GNA14: variants seen among roughly 807,000 people sequenced by gnomAD.
GNA14 encodes G protein subunit alpha 14, also known as guanine nucleotide-binding protein subunit alpha-14.
GNA14 carries 50 observed loss-of-function variants against 42.0 expected under a neutral mutation model. The observed-to-expected ratio is 1.19, with a 90% CI of 0.95 to 1.51. The LOEUF (loss-of-function observed/expected upper bound fraction) is 1.51, where lower values mean the gene tolerates loss of function less well. Ranked by LOEUF, GNA14 falls within the 40% of genes most tolerant of loss-of-function variation. The pLI is 0.00. For synonymous variants in GNA14, 173 were observed against 163.1 expected (o/e 1.06, Z -0.46); for missense variants, 473 against 446.2 (o/e 1.06, Z -0.54).
At chr9:77,590,258 C>A (rs1045864544) in intron 1 of GNA14, among the ~76,000 whole-genome samples, 1 of 152,134 alleles carries the variant, frequency 6.6e-6, no homozygotes, top group Admixed American at 6.6e-5. Flanking sequence ...CATCATTTTC[C>A]TAACCTTTGT....
chr9:77,551,879 C>A (rs1026100072), intron 1 of GNA14, among the ~76,000 whole-genome samples: 1 of 151,840 alleles, frequency 6.6e-6, no homozygotes, highest in African/African-American at 2.4e-5. Flanking sequence ...GTAGCTCATG[C>A]CTGTAATCCC....
chr9:77,458,057 T>C (rs1836036301), intron 2 of GNA14, among the ~76,000 whole-genome samples: 1 of 152,210 alleles, frequency 6.6e-6, no homozygotes. Flanking sequence ...TTTGTAGTGA[T>C]AGCCCACAGG....
intron 1 of GNA14, among the ~76,000 whole-genome samples, chr9:77,534,989 G>A (rs1426954297): frequency 6.6e-6 from 1 of 152,228 alleles, no homozygotes; most frequent in East Asian, 1.9e-4. Flanking sequence ...GAGGCCAGGT[G>A]CCAGCACACT....
At chr9:77,620,055 C>T (rs957214769) in intron 1 of GNA14, among the ~76,000 whole-genome samples, 5 of 152,122 alleles carry the variant, frequency 3.3e-5, no homozygotes, top group Admixed American at 2.6e-4. Flanking sequence ...ATTATTTCCT[C>T]AGTTACACTG....
chr9:77,438,780 A>G (rs112560984), intron 2 of GNA14, among the ~76,000 whole-genome samples: 78 of 152,184 alleles, frequency 5.1e-4, no homozygotes, highest in African/African-American at 1.8e-3. Flanking sequence ...ACACAGTTAC[A>G]TTTTTCTTGA....
At chr9:77,430,178 A>G (rs731943) in intron 4 of GNA14, among the ~76,000 whole-genome samples, 14,336 of 152,234 alleles carry the variant, frequency 0.094, 1,615 homozygotes, top group African/African-American at 0.26. Context: ...TGAAGAAGCC[A>G]TTCTATAAAA....
At chr9:77,632,988 A>T (rs1357219445) in intron 1 of GNA14, among the ~76,000 whole-genome samples, 1 of 152,168 alleles carries the variant, frequency 6.6e-6, no homozygotes, top group Non-Finnish European at 1.5e-5. Flanking sequence ...CAGACAGAAA[A>T]ATACCCCAAA....
chr9:77,465,663 G>C (rs1323325009), intron 2 of GNA14, among the ~76,000 whole-genome samples: 2 of 55,838 alleles, frequency 3.6e-5, no homozygotes, highest in Admixed American at 2.6e-4. Flanking sequence ...ACCTTTGCTT[G>C]ATATAGGATT....
chr9:77,502,756 G>T (rs904974572), intron 2 of GNA14, among the ~76,000 whole-genome samples: 17 of 152,194 alleles, frequency 1.1e-4, no homozygotes, highest in Admixed American at 4.6e-4. Context: ...TTGGGTGAGA[G>T]TGGGAGGCTA....
chr9:77,609,216 C>T (rs1373254754), intron 1 of GNA14, among the ~76,000 whole-genome samples: 1 of 152,172 alleles, frequency 6.6e-6, no homozygotes, highest in Non-Finnish European at 1.5e-5. Flanking sequence ...AACACAAACA[C>T]AATGCAATCT....
chr9:77,486,239 G>A (rs1836658243), intron 2 of GNA14, among the ~76,000 whole-genome samples: 1 of 152,168 alleles, frequency 6.6e-6, no homozygotes, highest in African/African-American at 2.4e-5. Flanking sequence ...TACAGAGATG[G>A]CTTCTTTCCA....
At chr9:77,450,575 A>G (rs77662054) in intron 2 of GNA14, among the ~76,000 whole-genome samples, 1 of 151,990 alleles carries the variant, frequency 6.6e-6, no homozygotes, top group Non-Finnish European at 1.5e-5. Context: ...AGCAAAAAAA[A>G]TCTAAGTCAC....
rs115075927 is a variant in GNA14, at chr9:77,425,079, T to C, written c.877+483A>G. Among the ~76,000 whole-genome samples the C allele has an allele frequency of 1.0e-3, 152 of 152,274 alleles. 1 individual carries two copies. The highest frequency in any genetic ancestry group is 3.5e-3 in the African/African-American group (144 of 41,566). On this transcript the variant is annotated intron_variant, in intron 6 of 6. Coordinates refer to ENST00000341700, the MANE Select transcript of GNA14 (RefSeq NM_004297.4). Reference sequence around the variant, plus strand: ...TACACATAAGAAGCACCAGGTGCTCTGACTGGCATGAGGAATGCACAGATA... The same window carrying C: ...TACACATAAGAAGCACCAGGTGCTCCGACTGGCATGAGGAATGCACAGATA...
chr9:77,606,713 A>G (rs1462281410), intron 1 of GNA14, among the ~76,000 whole-genome samples: 1 of 152,162 alleles, frequency 6.6e-6, no homozygotes, highest in Non-Finnish European at 1.5e-5. Context: ...AAGGAAAAAA[A>G]GGTGTAAGCC....
chr9:77,542,215 T>C (rs1339093126), intron 1 of GNA14, among the ~76,000 whole-genome samples: 1 of 152,172 alleles, frequency 6.6e-6, no homozygotes, highest in Non-Finnish European at 1.5e-5. Context: ...TACATCTACT[T>C]TTTTGTGACG....
chr9:77,489,232 A>G (rs376085145), intron 2 of GNA14, among the ~76,000 whole-genome samples: 16 of 152,120 alleles, frequency 1.1e-4, no homozygotes, highest in African/African-American at 3.4e-4. Context: ...AGTTAGAGGG[A>G]AAAAAAAGAA....
chr9:77,512,561 A>C (rs1261031490), intron 2 of GNA14, among the ~76,000 whole-genome samples: 1 of 152,232 alleles, frequency 6.6e-6, no homozygotes, highest in East Asian at 1.9e-4. Context: ...TCATTTTTAC[A>C]GTTTCTTATT....
chr9:77,571,830 T>C (rs56838188), intron 1 of GNA14, among the ~76,000 whole-genome samples: 3,614 of 152,078 alleles, frequency 0.024, 62 homozygotes, highest in Middle Eastern at 0.068. Flanking sequence ...GAGTGTAAAA[T>C]ATCTCATTAA....
intron 1 of GNA14, among the ~76,000 whole-genome samples, chr9:77,591,362 T>C (rs568039233): frequency 6.6e-6 from 1 of 152,336 alleles, no homozygotes; most frequent in African/African-American, 2.4e-5. Flanking sequence ...TACAGGAAGA[T>C]AGAGTACTAG....
Sources: allele counts gnomAD v4.1 joint callset (sites outside exome capture counted in the v4.1 genomes callset), GRCh38; gene constraint gnomAD v4.1.1; transcripts MANE v1.5; gene names NCBI Gene and HGNC (gene_info 2026-07-23, HGNC 2026-07-21).